The following OSBPL10 variants were observed in gnomAD, a reference collection of about 807,000 sequenced individuals.
OSBPL10 encodes the protein oxysterol binding protein like 10, also known as oxysterol-binding protein-related protein 10.
A neutral mutation model predicts 81.7 loss-of-function variants in OSBPL10; 49 were observed. The ratio of observed to expected loss-of-function variants is 0.60; its 90% CI spans 0.48 to 0.76. OSBPL10 has a LOEUF of 0.76. Among genes scored for constraint, OSBPL10 ranks in the 30% least tolerant of loss-of-function variants. The probability of loss-of-function intolerance (pLI) is 0.00; values close to 1 mark genes in which losing one functional copy is unlikely to be tolerated. For synonymous variants in OSBPL10, 419 were observed against 383.6 expected (o/e 1.09, Z -1.08); for missense variants, 923 against 987.8 (o/e 0.93, Z 0.88).
intron 4 of OSBPL10, among the ~76,000 whole-genome samples, chr3:31,768,746 A>C (rs1196739920): frequency 1.3e-5 from 2 of 152,180 alleles, no homozygotes; most frequent in Non-Finnish European, 2.9e-5. Flanking sequence ...CCAAACCTAC[A>C]TACACCTCTA....
chr3:31,873,100 G>C, intron 3 of OSBPL10, among the ~76,000 whole-genome samples: 1 of 152,120 alleles, frequency 6.6e-6, no homozygotes, highest in East Asian at 1.9e-4. Context: ...CTGCTGGCAG[G>C]GCGGAATTGT....
At chr3:32,025,734 C>T (rs1483920602) in intron 2 of OSBPL10, among the ~76,000 whole-genome samples, 1 of 152,154 alleles carries the variant, frequency 6.6e-6, no homozygotes, top group Non-Finnish European at 1.5e-5. Context: ...AGGAATTTGT[C>T]TAATTCATCT....
At chr3:31,961,906 G>GC (rs1473342863) in intron 1 of OSBPL10, among the ~76,000 whole-genome samples, 1 of 110,374 alleles carries the variant, frequency 9.1e-6, no homozygotes, top group East Asian at 2.9e-4. Flanking sequence ...GTTTTGTTTT[G>GC]GTTTTTTTTT....
At chr3:32,060,417 C>T (rs188771548) in intron 1 of OSBPL10, among the ~76,000 whole-genome samples, 143 of 152,300 alleles carry the variant, frequency 9.4e-4, no homozygotes, top group African/African-American at 3.2e-3. Flanking sequence ...CCATCATTCT[C>T]AACTTCTTGT....
chr3:31,847,087 C>A (rs920891078), intron 3 of OSBPL10, among the ~76,000 whole-genome samples: 7 of 152,210 alleles, frequency 4.6e-5, no homozygotes, highest in Non-Finnish European at 8.8e-5. Context: ...CTTCAAGGAT[C>A]CCCCAACCCA....
chr3:31,903,330 G>GTT (rs11383935), intron 1 of OSBPL10, among the ~76,000 whole-genome samples: 36,040 of 137,254 alleles, frequency 0.26, 5,589 homozygotes, highest in Non-Finnish European at 0.36. Flanking sequence ...TGCTTTTTAG[G>GTT]TTTTTTTTTT....
intron 4 of OSBPL10, among the ~76,000 whole-genome samples, chr3:31,816,297 C>T (rs528621397): frequency 2.6e-5 from 4 of 152,286 alleles, no homozygotes; most frequent in Middle Eastern, 3.4e-3. Context: ...CCTAGATCAT[C>T]AAGGCCCTGG....
rs112756905 is a variant in OSBPL10, at chr3:31,931,391, T to C, written c.281+49508A>G. Among the ~76,000 whole-genome samples, 478 of 152,296 alleles carry C rather than the reference T, an allele frequency of 3.1e-3. 5 individuals are homozygous for C. The highest frequency in any genetic ancestry group is 0.011 in the African/African-American group (454 of 41,564). ...TCCAATTCTGTGGACACACTCCAAG[T>C]CCTTAGACAATTATCAAGGGTCCCC... On this transcript the variant is annotated intron_variant, in intron 1 of 11. Coordinates refer to ENST00000396556, the MANE Select transcript of OSBPL10 (RefSeq NM_017784.5).
intron 1 of OSBPL10, among the ~76,000 whole-genome samples, chr3:32,059,951 C>T (rs1261042149): frequency 2.0e-5 from 3 of 151,782 alleles, no homozygotes; most frequent in Admixed American, 6.6e-5. Flanking sequence ...ATATAGGGTT[C>T]GAGAAGCCAG....
chr3:31,872,047 C>G (rs1355482558), intron 3 of OSBPL10, among the ~76,000 whole-genome samples: 5 of 152,170 alleles, frequency 3.3e-5, no homozygotes, highest in African/African-American at 1.2e-4. Flanking sequence ...CGAATGTTTT[C>G]TTTTGTTGTT....
intron 2 of OSBPL10, among the ~76,000 whole-genome samples, chr3:32,004,604 C>G (rs781360539): frequency 1.5e-4 from 23 of 152,162 alleles, no homozygotes; most frequent in South Asian, 6.2e-4. Flanking sequence ...TTTTTCTAAG[C>G]TTTGGAGGAA....
intron 1 of OSBPL10, among the ~76,000 whole-genome samples, chr3:31,925,174 C>CT (rs1402268908): frequency 1.3e-5 from 2 of 152,150 alleles, no homozygotes; most frequent in African/African-American, 4.8e-5. Flanking sequence ...ACTGGAACTT[C>CT]TCAAGGGCCA....
intron 4 of OSBPL10, among the ~76,000 whole-genome samples, chr3:31,752,559 G>T (rs1035359227): frequency 6.6e-6 from 1 of 152,104 alleles, no homozygotes; most frequent in Admixed American, 6.6e-5. Context: ...TAACACATGC[G>T]TTACAAAATC....
chr3:31,994,932 T>C (rs1054440192), intron 2 of OSBPL10, among the ~76,000 whole-genome samples: 4 of 152,048 alleles, frequency 2.6e-5, no homozygotes, highest in African/African-American at 7.2e-5. Context: ...CTGCCAGGGG[T>C]GACATCACAT....
At chr3:31,754,233 A>G (rs1260976146) in intron 4 of OSBPL10, among the ~76,000 whole-genome samples, 1 of 152,012 alleles carries the variant, frequency 6.6e-6, no homozygotes, top group Admixed American at 6.6e-5. Flanking sequence ...CACAAACACA[A>G]TCCTGTGTAG....
chr3:31,700,815 T>C (rs570500131), intron 7 of OSBPL10, among the ~76,000 whole-genome samples: 1 of 152,334 alleles, frequency 6.6e-6, no homozygotes, highest in East Asian at 1.9e-4. Flanking sequence ...AAATGACTCC[T>C]GTAGCTGAAA....
intron 1 of OSBPL10, among the ~76,000 whole-genome samples, chr3:31,893,867 T>A (rs1349747172): frequency 6.6e-6 from 1 of 152,210 alleles, no homozygotes; most frequent in East Asian, 1.9e-4. Context: ...AGCTGCAAAC[T>A]GCTTACAGGG....
At chr3:31,907,254 T>G (rs1696433539) in intron 1 of OSBPL10, among the ~76,000 whole-genome samples, 1 of 152,190 alleles carries the variant, frequency 6.6e-6, no homozygotes, top group Non-Finnish European at 1.5e-5. Context: ...ACTCATCTGA[T>G]TATCTTATTT....
chr3:31,755,521 C>A (rs1697860148), intron 4 of OSBPL10, among the ~76,000 whole-genome samples: 1 of 152,212 alleles, frequency 6.6e-6, no homozygotes. Flanking sequence ...CTTTGGACTT[C>A]ATGGTGTCAT....
Sources: allele counts gnomAD v4.1 joint callset (sites outside exome capture counted in the v4.1 genomes callset), GRCh38; gene constraint gnomAD v4.1.1; transcripts MANE v1.5; gene names NCBI Gene and HGNC (gene_info 2026-07-23, HGNC 2026-07-21).